PMFBP1: variants seen among roughly 807,000 people sequenced by gnomAD.
The protein encoded by PMFBP1 is polyamine modulated factor 1 binding protein 1.
In PMFBP1, 131 loss-of-function variants were observed where a neutral mutation model predicts 137.8. The ratio of observed to expected loss-of-function variants is 0.95; its 90% CI spans 0.82 to 1.10. The LOEUF is 1.10. PMFBP1 is among the 50% of genes least tolerant of loss of function. PMFBP1 has a pLI of 0.00. For missense variants in PMFBP1, 1,199 were observed against 1,175.4 expected (o/e 1.02, Z -0.29); for synonymous variants, 490 against 450.4 (o/e 1.09, Z -1.11).
the PMFBP1 span, among the ~76,000 whole-genome samples, chr16:72,207,084 T>C: frequency 1.3e-5 from 2 of 150,122 alleles, no homozygotes; most frequent in East Asian, 1.9e-4. Context: ...GTAAAGAAGT[T>C]TGGGCTTGGC....
At position 72,119,188 on chromosome 16, in the gene PMFBP1, C is replaced by A; in HGVS notation, c.*150G>T. The A allele has an allele frequency of 1.1e-6, 1 of 869,692 alleles. No homozygotes were observed. The allele number at this position is 869,692 out of a possible 1,614,324, so 53.9% of individuals were successfully genotyped here. Reference sequence around the variant, plus strand: ...ACTCCATGGCAGGAAGTGGACAAAACTCAACAAAAGTTAGTGTCTTGCAAA... The same window carrying A: ...ACTCCATGGCAGGAAGTGGACAAAAATCAACAAAAGTTAGTGTCTTGCAAA... On this transcript the variant is annotated 3_prime_UTR_variant, in exon 21 of 21. Coordinates refer to ENST00000237353, the MANE Select transcript of PMFBP1 (RefSeq NM_031293.3).
intron 3 of PMFBP1, among the ~76,000 whole-genome samples, chr16:72,163,509 G>A (rs1233903420): frequency 6.6e-6 from 1 of 152,224 alleles, no homozygotes. Context: ...CAGTGCTACT[G>A]AGTGTCTTCA....
intron 2 of PMFBP1, 74 bp downstream of exon 2, chr16:72,171,122 GA>G (rs71391445): frequency 0.15 from 231,566 of 1,505,960 alleles, 20,378 homozygotes; most frequent in African/African-American, 0.34. Flanking sequence ...CTGGAATTTT[GA>G]ATCATAAAAC....
intron 5 of PMFBP1, among the ~76,000 whole-genome samples, chr16:72,150,285 A>C (rs778492801): frequency 2.0e-5 from 3 of 152,146 alleles, no homozygotes; most frequent in Non-Finnish European, 4.4e-5. Flanking sequence ...GCAGAGGGAG[A>C]TGAGCTGTGA....
chr16:72,165,753 G>C (rs2043136487), intron 2 of PMFBP1, among the ~76,000 whole-genome samples: 2 of 152,164 alleles, frequency 1.3e-5, no homozygotes, highest in African/African-American at 4.8e-5. Flanking sequence ...TTCACAATGG[G>C]AACAAAAGTG....
At chr16:72,223,606 A>G in the PMFBP1 span, among the ~76,000 whole-genome samples, 2 of 152,216 alleles carry the variant, frequency 1.3e-5, no homozygotes, top group Non-Finnish European at 2.9e-5. Flanking sequence ...AAGCATGAGA[A>G]TAAAAGACTT....
intron 10 of PMFBP1, among the ~76,000 whole-genome samples, chr16:72,131,618 G>T (rs1040888958): frequency 6.6e-6 from 1 of 152,106 alleles, no homozygotes. Flanking sequence ...AGAAGGGGAG[G>T]AGAGTCTCTA....
At position 72,136,756 on chromosome 16, in the gene PMFBP1, G is replaced by C; in HGVS notation, c.982C>G (p.Leu328Val). The C allele has an allele frequency of 6.2e-7, 1 of 1,614,144 alleles. No individual in the cohort carries two copies. Among genetic ancestry groups the C allele is most frequent in the Non-Finnish European group, 8.5e-7 (1 of 1,180,030 alleles). The change falls in exon 8 of 21, where the codon CTG becomes GTG. Residue 328 changes from leucine (L) to valine (V), a missense_variant. Coordinates refer to ENST00000237353, the MANE Select transcript of PMFBP1 (RefSeq NM_031293.3). ...QCLHVEEYQN[L>V]VKDLRVELEA... Reference sequence around the variant, plus strand: ...AGTTCCACGCGCAGATCCTTCACCAGGTTCTGGTACTCCTCCACATGCAGG... The same window carrying C: ...AGTTCCACGCGCAGATCCTTCACCACGTTCTGGTACTCCTCCACATGCAGG...
chr16:72,173,039 A>G (rs2043235824), upstream of PMFBP1, among the ~76,000 whole-genome samples: 1 of 152,232 alleles, frequency 6.6e-6, no homozygotes, highest in African/African-American at 2.4e-5. Context: ...GCGTGGCATA[A>G]AAGAACACTA....
At chr16:72,195,788 A>G in the PMFBP1 span, among the ~76,000 whole-genome samples, 1 of 152,190 alleles carries the variant, frequency 6.6e-6, no homozygotes, top group African/African-American at 2.4e-5. Context: ...GTCCCACACA[A>G]AGGCTGCGGC....
chr16:72,210,078 G>T, the PMFBP1 span, among the ~76,000 whole-genome samples: 2 of 152,186 alleles, frequency 1.3e-5, no homozygotes, highest in Non-Finnish European at 2.9e-5. Context: ...TCCTCTGTCA[G>T]TAGCCCCTTC....
rs747235540 is a variant in PMFBP1 at position 72,132,798 on chromosome 16, T to C, written c.1397A>G (p.Gln466Arg). Residue 466 changes from glutamine to arginine, a missense_variant, in exon 10 of 21, where the codon CAG (glutamine) becomes CGG (arginine). Coordinates refer to ENST00000237353, the MANE Select transcript of PMFBP1 (RefSeq NM_031293.3). Reference protein sequence around the residue: ...AECKALQAEVQKLKNSLEEAK... With the variant: ...AECKALQAEVRKLKNSLEEAK... ...CTCTTCGAGACTGTTCTTCAGCTTC[T>C]GGACCTCAGCCTGCAGGGCCTTGCA... The C allele has an allele frequency of 1.9e-6, 3 of 1,614,090 alleles. No individual in the cohort carries two copies. The highest frequency in any genetic ancestry group is 2.2e-5 in the East Asian group (1 of 44,892).
chr16:72,171,292 A>G, intron 1 of PMFBP1, 24 bp from the exon 2 acceptor site: 1 of 1,460,130 alleles, frequency 6.8e-7, no homozygotes, highest in Non-Finnish European at 9.6e-7. Context: ...AGTATTTAAG[A>G]TGGAAAAAGT....
intron 12 of PMFBP1, among the ~76,000 whole-genome samples, chr16:72,129,943 C>T (rs932342315): frequency 2.6e-5 from 4 of 152,140 alleles, no homozygotes; most frequent in Non-Finnish European, 4.4e-5. Flanking sequence ...ATCTCCCAGC[C>T]TCAAGGGATC....
chr16:72,152,719 C>A (rs552072136), intron 4 of PMFBP1, among the ~76,000 whole-genome samples: 1 of 152,106 alleles, frequency 6.6e-6, no homozygotes, highest in South Asian at 2.1e-4. Context: ...GTGGTGCGTG[C>A]CTGTAATCCC....
chr16:72,155,525 G>A (rs781492245), intron 3 of PMFBP1, among the ~76,000 whole-genome samples: 3 of 152,148 alleles, frequency 2.0e-5, no homozygotes, highest in Admixed American at 1.3e-4. Context: ...TTGCTCTTAT[G>A]GGGCCTAGTT....
chr16:72,237,538 T>C, the PMFBP1 span, among the ~76,000 whole-genome samples: 1 of 152,314 alleles, frequency 6.6e-6, no homozygotes, highest in South Asian at 2.1e-4. Context: ...TTTCCATTTA[T>C]TTAGGTCTTC....
chr16:72,155,631 G>A (rs1458215732), intron 3 of PMFBP1, among the ~76,000 whole-genome samples: 1 of 152,144 alleles, frequency 6.6e-6, no homozygotes, highest in East Asian at 1.9e-4. Context: ...TGTGGCCTTG[G>A]CCTCATTAAC....
intron 2 of PMFBP1, among the ~76,000 whole-genome samples, chr16:72,166,742 T>C (rs976661880): frequency 1.5e-4 from 23 of 152,224 alleles, no homozygotes; most frequent in African/African-American, 5.5e-4. Flanking sequence ...CAATGAAAGC[T>C]GGGCTGTCAA....
Sources: allele counts gnomAD v4.1 joint callset (sites outside exome capture counted in the v4.1 genomes callset), GRCh38; gene constraint gnomAD v4.1.1; transcripts MANE v1.5; gene names NCBI Gene and HGNC (gene_info 2026-07-23, HGNC 2026-07-21).